The following MSI2 variants were observed in gnomAD, a reference collection of about 807,000 sequenced individuals.
The protein encoded by MSI2 is musashi RNA binding protein 2, also known as RNA-binding protein Musashi homolog 2.
In MSI2, 17 loss-of-function variants were observed where a neutral mutation model predicts 45.6. The observed-to-expected ratio is 0.37, with a 90% CI of 0.26 to 0.56. MSI2 has a LOEUF of 0.56. MSI2 is among the 20% of genes least tolerant of loss of function. MSI2 has a pLI of 0.77. For synonymous variants in MSI2, 156 were observed against 158.2 expected (o/e 0.99, Z 0.11); for missense variants, 293 against 444.2 (o/e 0.66, Z 3.06).
chr17:57,687,005 GC>G (rs36159001), downstream of MSI2, among the ~76,000 whole-genome samples: 219 of 147,120 alleles, frequency 1.5e-3, no homozygotes, highest in Middle Eastern at 3.5e-3. Flanking sequence ...TTGGCCAGCA[GC>G]CCCCCCCCCA....
intron 7 of MSI2, among the ~76,000 whole-genome samples, chr17:57,558,762 C>G (rs2087501217): frequency 6.6e-6 from 1 of 152,186 alleles, no homozygotes; most frequent in African/African-American, 2.4e-5. Flanking sequence ...TCCCATGTAT[C>G]AAGAACTCAG....
chr17:57,633,998 T>A (rs1909633259), intron 10 of MSI2, among the ~76,000 whole-genome samples: 1 of 152,080 alleles, frequency 6.6e-6, no homozygotes, highest in Non-Finnish European at 1.5e-5. Flanking sequence ...TCCTTTCTCT[T>A]CCCTCCTTCC....
intron 7 of MSI2, among the ~76,000 whole-genome samples, chr17:57,585,890 G>A (rs1224265152): frequency 6.6e-6 from 1 of 152,226 alleles, no homozygotes; most frequent in Non-Finnish European, 1.5e-5. Context: ...CTCCAGCTGC[G>A]CACACGACCT....
At chr17:57,647,274 CAAAAAAAA>C (rs33915774) in intron 10 of MSI2, among the ~76,000 whole-genome samples, 110 of 37,678 alleles carry the variant, frequency 2.9e-3, no homozygotes, top group South Asian at 0.025. Flanking sequence ...ACTAAAAATA[CAAAAAAAA>C]AAAAAAAAAA....
Position 57,482,694 on chromosome 17 carries a change from C to A in MSI2, c.406-46982C>A, listed in dbSNP as rs559299294. 9.7e-4 allele frequency among the ~76,000 whole-genome samples: 147 copies of A among 152,294 alleles called. 2 individuals are homozygous for A. The highest frequency in any genetic ancestry group is 3.4e-3 in the African/African-American group (141 of 41,562). On this transcript the variant is annotated intron_variant, in intron 6 of 13. Transcript: ENST00000284073. ...CCCTTCCTTCTTTAACCTCCCGAGA[C>A]TCTGTGCCTCTCACATGTATAGATT...
intron 7 of MSI2, among the ~76,000 whole-genome samples, chr17:57,573,259 A>G (rs903080194): frequency 6.6e-6 from 1 of 152,330 alleles, no homozygotes; most frequent in Non-Finnish European, 1.5e-5. Context: ...TAATAGCGTT[A>G]TAATAATATG....
chr17:57,531,172 C>T (rs1329315222), intron 7 of MSI2, among the ~76,000 whole-genome samples: 2 of 152,150 alleles, frequency 1.3e-5, no homozygotes, highest in Admixed American at 6.5e-5. Flanking sequence ...GTTTCCAAGC[C>T]GGACTTCCAG....
At chr17:57,693,779 T>C in the MSI2 span, among the ~76,000 whole-genome samples, 2 of 152,256 alleles carry the variant, frequency 1.3e-5, no homozygotes, top group East Asian at 3.8e-4. Flanking sequence ...TGACTTTTGA[T>C]TGAAAGCAAA....
At chr17:57,532,510 G>A (rs1389123029) in intron 7 of MSI2, among the ~76,000 whole-genome samples, 1 of 152,116 alleles carries the variant, frequency 6.6e-6, no homozygotes, top group African/African-American at 2.4e-5. Context: ...TTAGAACATT[G>A]AAGAGAGTGA....
At chr17:57,276,095 C>T (rs1232285230) in intron 5 of MSI2, among the ~76,000 whole-genome samples, 1 of 152,180 alleles carries the variant, frequency 6.6e-6, no homozygotes, top group Admixed American at 6.5e-5. Flanking sequence ...TTTTACCTGA[C>T]CTCCTTCAGA....
At chr17:57,370,081 C>T (rs1004649728) in intron 5 of MSI2, among the ~76,000 whole-genome samples, 33 of 152,120 alleles carry the variant, frequency 2.2e-4, no homozygotes, top group African/African-American at 7.5e-4. Context: ...AACAATGAAA[C>T]GTTAAAATTT....
At chr17:57,609,583 A>C (rs548915818) in intron 8 of MSI2, among the ~76,000 whole-genome samples, 2 of 152,384 alleles carry the variant, frequency 1.3e-5, no homozygotes, top group African/African-American at 4.8e-5. Flanking sequence ...TCTGGGCCCC[A>C]AGGCCGCGTG....
At chr17:57,643,827 C>T (rs1303870164) in intron 10 of MSI2, among the ~76,000 whole-genome samples, 2 of 152,180 alleles carry the variant, frequency 1.3e-5, no homozygotes, top group Admixed American at 1.3e-4. Context: ...TTGTGCCATC[C>T]CTGTGTTTTA....
intron 5 of MSI2, among the ~76,000 whole-genome samples, chr17:57,281,654 G>C (rs1047138173): frequency 2.0e-5 from 3 of 152,126 alleles, no homozygotes; most frequent in African/African-American, 7.2e-5. Flanking sequence ...CTGCGTTTCA[G>C]TTTTCCACGA....
chr17:57,593,609 A>G (rs1905032942), intron 7 of MSI2, among the ~76,000 whole-genome samples: 1 of 152,170 alleles, frequency 6.6e-6, no homozygotes, highest in South Asian at 2.1e-4. Flanking sequence ...TCTTAATTAA[A>G]TTACATTTGC....
intron 6 of MSI2, among the ~76,000 whole-genome samples, chr17:57,493,058 G>T (rs951639621): frequency 6.6e-6 from 1 of 152,158 alleles, no homozygotes; most frequent in African/African-American, 2.4e-5. Context: ...GAAACCTCAG[G>T]CTCCTAGGTA....
At position 57,529,044 on chromosome 17, in the gene MSI2, C is replaced by A. The variant is rs1024700158; in HGVS notation, c.406-632C>A. On this transcript the variant is annotated intron_variant, in intron 6 of 13. Coordinates refer to ENST00000284073, the MANE Select transcript of MSI2 (RefSeq NM_138962.4). The surrounding 1 kb of genome is among the most constrained non-coding windows in gnomAD (Gnocchi z 5.3). ...GATATACTAACCTGGAAATTGTTTG[C>A]CATATTGTAATGTTACAGGTTAACA... Among the ~76,000 whole-genome samples, 16 of 152,068 alleles carry A rather than the reference C, an allele frequency of 1.1e-4. No homozygotes were observed. The highest frequency in any genetic ancestry group is 3.9e-4 in the African/African-American group (16 of 41,402).
At chr17:57,492,232 G>C (rs1040851301) in intron 6 of MSI2, among the ~76,000 whole-genome samples, 1 of 152,222 alleles carries the variant, frequency 6.6e-6, no homozygotes, top group Non-Finnish European at 1.5e-5. Context: ...GGAAGGATTT[G>C]TGAGACATTC....
At chr17:57,339,010 TGGG>T (rs1914909544) in intron 5 of MSI2, among the ~76,000 whole-genome samples, 1 of 152,080 alleles carries the variant, frequency 6.6e-6, no homozygotes, top group East Asian at 1.9e-4. Flanking sequence ...AAAGAAGTGG[TGGG>T]GGAGAGGGGA....
Sources: gnomAD v4.1 joint callset for allele counts (sites outside exome capture counted in the v4.1 genomes callset) on GRCh38, gnomAD v4.1.1 for gene constraint, Gnocchi (gnomAD v3.1) non-coding constraint, MANE v1.5 for transcripts, NCBI Gene and HGNC (gene_info 2026-07-23, HGNC 2026-07-21) for gene names.